The following RBFOX1 variants were observed in gnomAD, a reference collection of about 807,000 sequenced individuals.
RBFOX1 encodes the protein RNA binding protein fox-1 homolog 1.
Under a neutral mutation model 57.7 loss-of-function variants are expected in RBFOX1, and 8 were observed. That is an observed-to-expected ratio of 0.14 (90% CI 0.08 to 0.25). The LOEUF (loss-of-function observed/expected upper bound fraction) is 0.25, where lower values mean the gene tolerates loss of function less well. Ranked by LOEUF, RBFOX1 falls within the 10% of genes least tolerant of loss-of-function variation. The pLI, the probability that RBFOX1 is intolerant of heterozygous loss-of-function variation, is 1.00. For synonymous variants in RBFOX1, 326 were observed against 222.4 expected (o/e 1.47, Z -4.15); for missense variants, 611 against 548.5 (o/e 1.11, Z -1.14).
At chr16:6,939,481 TTAAA>T (rs2077961324) in intron 3 of RBFOX1, among the ~76,000 whole-genome samples, 1 of 150,930 alleles carries the variant, frequency 6.6e-6, no homozygotes, top group Non-Finnish European at 1.5e-5. Flanking sequence ...TGCACAGAAT[TTAAA>T]TAGTTTCAGA....
intron 4 of RBFOX1, among the ~76,000 whole-genome samples, chr16:5,986,085 AG>A (rs2060280749): frequency 6.7e-6 from 1 of 148,246 alleles, no homozygotes; most frequent in Non-Finnish European, 1.5e-5. Context: ...TTTTCCAGAC[AG>A]GGTCTCGCTC....
At chr16:5,341,908 C>T (rs986333811) in intron 1 of RBFOX1, among the ~76,000 whole-genome samples, 2 of 152,160 alleles carry the variant, frequency 1.3e-5, no homozygotes, top group African/African-American at 4.8e-5. Context: ...AGACGGGAAG[C>T]CTCCCTGCCA....
intron 13 of RBFOX1, among the ~76,000 whole-genome samples, chr16:7,673,624 GTT>G (rs1177287583): frequency 6.6e-6 from 1 of 152,120 alleles, no homozygotes; most frequent in Non-Finnish European, 1.5e-5. Context: ...ACCTCTAGAG[GTT>G]TTGCTAACAA....
chr16:6,828,659 C>T (rs1364230225), intron 3 of RBFOX1, among the ~76,000 whole-genome samples: 4 of 152,060 alleles, frequency 2.6e-5, no homozygotes, highest in Middle Eastern at 3.2e-3. Context: ...CTAGGATTCA[C>T]CTAGGACCTC....
At chr16:6,854,933 A>G (rs893692198) in intron 3 of RBFOX1, among the ~76,000 whole-genome samples, 1 of 151,874 alleles carries the variant, frequency 6.6e-6, no homozygotes, top group Non-Finnish European at 1.5e-5. Context: ...TATATGACAG[A>G]GGAGAACTTT....
intron 1 of RBFOX1, among the ~76,000 whole-genome samples, chr16:6,210,360 C>CA (rs2097287106): frequency 3.6e-5 from 1 of 27,470 alleles, no homozygotes; most frequent in African/African-American, 2.1e-4. Flanking sequence ...AAAAAAAACA[C>CA]CAAAAAAAAA....
intron 2 of RBFOX1, among the ~76,000 whole-genome samples, chr16:6,325,079 G>A (rs1340627723): frequency 6.6e-6 from 1 of 152,180 alleles, no homozygotes; most frequent in Non-Finnish European, 1.5e-5. Flanking sequence ...AAGGTACCCA[G>A]GCATGGTGGC....
At chr16:6,101,322 A>C (rs2096305039) in intron 1 of RBFOX1, among the ~76,000 whole-genome samples, 1 of 152,146 alleles carries the variant, frequency 6.6e-6, no homozygotes, top group Admixed American at 6.5e-5. Flanking sequence ...AGACAGTTGT[A>C]AAAACCACAG....
At chr16:6,555,056 A>C (rs2097072379) in intron 2 of RBFOX1, among the ~76,000 whole-genome samples, 1 of 152,166 alleles carries the variant, frequency 6.6e-6, no homozygotes. Context: ...CCAGAATATT[A>C]TGCTAGAAAA....
Position 7,610,118 on chromosome 16 carries a change from C to CTTTT in RBFOX1, c.676+2798_676+2801dup, listed in dbSNP as rs34468596. Among the ~76,000 whole-genome samples the CTTTT allele has an allele frequency of 3.2e-3, 210 of 65,580 alleles. 16 individuals carry two copies. Among genetic ancestry groups the CTTTT allele is most frequent in the African/African-American group, 0.011 (136 of 12,424 alleles). The allele number at this position is 65,580 out of a possible 152,430, so 43.0% of individuals were successfully genotyped here. A position where few individuals can be genotyped will look rare whatever the true frequency, so the allele number is the denominator to read the frequency against. ...GGTGTGAGCCACTGCGCCCGGCCCC[C>CTTTT]TTTTTTTTTTTTTTTTTTTTTGAGG... On this transcript the variant is annotated intron_variant, in intron 10 of 15. Coordinates refer to ENST00000550418, the MANE Select transcript of RBFOX1 (RefSeq NM_018723.4).
At chr16:6,667,869 A>G (rs2098742380) in intron 3 of RBFOX1, among the ~76,000 whole-genome samples, 1 of 151,988 alleles carries the variant, frequency 6.6e-6, no homozygotes, top group Non-Finnish European at 1.5e-5. Context: ...AGCCTGGGTG[A>G]CAGAGCAAGA....
chr16:5,620,462 C>A (rs896463494), intron 3 of RBFOX1, among the ~76,000 whole-genome samples: 1 of 152,170 alleles, frequency 6.6e-6, no homozygotes, highest in Non-Finnish European at 1.5e-5. Flanking sequence ...TCGCTTCAAC[C>A]GGAGAAATGC....
At chr16:7,279,396 T>A (rs1225229694) in intron 4 of RBFOX1, among the ~76,000 whole-genome samples, 1 of 152,222 alleles carries the variant, frequency 6.6e-6, no homozygotes, top group Non-Finnish European at 1.5e-5. Context: ...CTTGAATTCA[T>A]TTCTCTGTGC....
chr16:5,567,679 G>C (rs892564635), intron 2 of RBFOX1, among the ~76,000 whole-genome samples: 1 of 141,824 alleles, frequency 7.1e-6, no homozygotes, highest in African/African-American at 2.6e-5. Flanking sequence ...TGGAAGGGCT[G>C]TGTCTATGTT....
At position 7,616,398 on chromosome 16, in the gene RBFOX1, AG is replaced by A. The variant is rs1265561956; in HGVS notation, c.676+9061del. Among the ~76,000 whole-genome samples, 34 of 152,314 alleles carry A rather than the reference AG, an allele frequency of 2.2e-4. No individual in the cohort carries two copies. In the East Asian group the frequency reaches 2.7e-3, roughly 12 times the overall value. On this transcript the variant is annotated intron_variant, in intron 10 of 15. Transcript: ENST00000550418. The stretch of plus-strand genomic sequence containing the variant: ...AGCCTTAGTGTCCAGCGTTTTTGTT[AG>A]TGGTTACTCACATAGGCAAGCTGCA...
intron 1 of RBFOX1, chr16:5,270,224 TAAG>T: frequency 4.0e-6 from 2 of 504,338 alleles, no homozygotes; most frequent in East Asian, 7.2e-5. Flanking sequence ...AAAAGGGAGT[TAAG>T]AAGAAAATAC....
intron 4 of RBFOX1, among the ~76,000 whole-genome samples, chr16:7,259,756 AG>A (rs2094843930): frequency 1.3e-5 from 2 of 152,180 alleles, no homozygotes; most frequent in Non-Finnish European, 1.5e-5. Context: ...CTTTATCAAT[AG>A]CTGGTGAGTT....
intron 3 of RBFOX1, among the ~76,000 whole-genome samples, chr16:5,759,292 T>A (rs2053508946): frequency 6.6e-6 from 1 of 152,196 alleles, no homozygotes; most frequent in African/African-American, 2.4e-5. Context: ...TGGGTACACA[T>A]GCTGTTTGCC....
chr16:7,530,459 C>T (rs556007551), intron 5 of RBFOX1, among the ~76,000 whole-genome samples: 31 of 151,810 alleles, frequency 2.0e-4, no homozygotes, highest in East Asian at 1.7e-3. Flanking sequence ...CCAGAGGTTT[C>T]AGCCACAAGT....
Sources: gnomAD v4.1 joint callset for allele counts (sites outside exome capture counted in the v4.1 genomes callset) on GRCh38, gnomAD v4.1.1 for gene constraint, MANE v1.5 for transcripts, NCBI Gene and HGNC (gene_info 2026-07-23, HGNC 2026-07-21) for gene names.